Variants in RAB36 observed in about 807,000 individuals in gnomAD.
RAB36 encodes ras-related protein Rab-36.
In RAB36, 33 loss-of-function variants were observed where a neutral mutation model predicts 39.3. That is an observed-to-expected ratio of 0.84 (90% CI 0.64 to 1.12). RAB36 has a LOEUF of 1.12. Among genes scored for constraint, RAB36 ranks in the 50% most tolerant of loss-of-function variants. RAB36 has a pLI of 0.00. For missense variants in RAB36, 308 were observed against 355.3 expected (o/e 0.87, Z 1.07); for synonymous variants, 133 against 140.2 (o/e 0.95, Z 0.36).
At position 23,161,712 on chromosome 22, in the gene RAB36, G is replaced by A; in HGVS notation, c.*148G>A. 1 of 683,768 alleles carries A rather than the reference G, an allele frequency of 1.5e-6. No homozygotes were observed. The highest frequency in any genetic ancestry group is 2.8e-5 in the East Asian group (1 of 35,214). 42.4% of individuals were successfully genotyped at this position (683,768 alleles called of 1,614,324 possible). Reference sequence around the variant, plus strand: ...TCCAGTCCCTCCACCCACCCACCGGGCTCAGCTCCAGGGCACAGTCACTTG... The same window carrying A: ...TCCAGTCCCTCCACCCACCCACCGGACTCAGCTCCAGGGCACAGTCACTTG... On this transcript the variant is annotated 3_prime_UTR_variant, in exon 11 of 11. Coordinates refer to ENST00000263116, the MANE Select transcript of RAB36 (RefSeq NM_004914.5).
At chr22:23,166,177 AGG>A (rs796718692), downstream of RAB36, among the ~76,000 whole-genome samples, 7 of 124,964 alleles carry the variant, frequency 5.6e-5, no homozygotes, top group Non-Finnish European at 8.6e-5. Flanking sequence ...AAAAAAAAAA[AGG>A]AGTGTTTCCA....
chr22:23,166,884 C>T (rs1290428471), downstream of RAB36, among the ~76,000 whole-genome samples: 1 of 152,146 alleles, frequency 6.6e-6, no homozygotes, highest in African/African-American at 2.4e-5. Flanking sequence ...AGTGGGGTGC[C>T]TCCTGGGGGA....
At chr22:23,145,883 AG>A (rs2070742427) in intron 1 of RAB36, 1 of 729,724 alleles carries the variant, frequency 1.4e-6, no homozygotes, top group Non-Finnish European at 1.7e-6. Flanking sequence ...TGGTGAAGTG[AG>A]GGTTTTCAGG....
Position 23,162,260 on chromosome 22 carries a change from G to A in RAB36, c.*696G>A, listed in dbSNP as rs1045269658. On this transcript the variant is annotated 3_prime_UTR_variant, in exon 11 of 11. Coordinates refer to ENST00000263116, the MANE Select transcript of RAB36 (RefSeq NM_004914.5). ...GAGATCCCTAGGTCCTGCCCTCCTG[G>A]TCCGTGGGCCAGGATGTGCAGAACA... 1.3e-5 allele frequency: 3 copies of A among 225,874 alleles called. 1 individual carries two copies. Among genetic ancestry groups the A allele is most frequent in the Non-Finnish European group, 2.7e-5 (3 of 112,540 alleles). The allele number at this position is 225,874 out of a possible 1,614,324, so 14.0% of individuals were successfully genotyped here. A position where few individuals can be genotyped will look rare whatever the true frequency, so the allele number is the denominator to read the frequency against.
intron 10 of RAB36, 68 bp from the exon 11 acceptor site, chr22:23,161,432 G>A: frequency 7.3e-7 from 1 of 1,365,844 alleles, no homozygotes; most frequent in Non-Finnish European, 1.0e-6. Flanking sequence ...GTCAGGGCCG[G>A]CATCCCCTGC....
intron 3 of RAB36, among the ~76,000 whole-genome samples, chr22:23,152,012 G>A (rs932794532): frequency 2.6e-5 from 4 of 152,244 alleles, no homozygotes; most frequent in African/African-American, 9.6e-5. Flanking sequence ...AGCCCCGGGG[G>A]TGCATAGGAG....
Position 23,155,983 on chromosome 22 carries a change from G to T in RAB36, c.345G>T (p.Gly115=). The part of the protein sequence containing the change: ...PYSLQIWDTA[G]QEKFKCIASA... The stretch of plus-strand genomic sequence containing the variant: ...CACCTCACAGCTGGGACACAGCTGG[G>T]CAGGAGAAGTTCAAGTGCATCGCAT... The change falls in exon 6 of 11, where the codon GGG becomes GGT. Residue 115 remains glycine (G), a synonymous_variant. Transcript: ENST00000263116. 1 of 1,612,434 alleles carries T rather than the reference G, an allele frequency of 6.2e-7. No individual in the cohort carries two copies. The highest frequency in any genetic ancestry group is 1.1e-5 in the South Asian group (1 of 90,768).
At chr22:23,158,812 C>G in intron 7 of RAB36, 86 bp from the exon 8 acceptor site, 1 of 1,205,218 alleles carries the variant, frequency 8.3e-7, no homozygotes, top group Non-Finnish European at 1.2e-6. Context: ...GCACTTCAGC[C>G]CTGGGGAGGT....
At chr22:23,156,823 T>G (rs2146562363) in intron 6 of RAB36, among the ~76,000 whole-genome samples, 1 of 152,290 alleles carries the variant, frequency 6.6e-6, no homozygotes, top group East Asian at 1.9e-4. Context: ...GGCCTCTCCT[T>G]GAAAGGATGC....
intron 6 of RAB36, among the ~76,000 whole-genome samples, chr22:23,157,291 C>T (rs1236928677): frequency 6.6e-6 from 1 of 151,638 alleles, no homozygotes; most frequent in African/African-American, 2.4e-5. Flanking sequence ...CGCTTTGTAG[C>T]CCAAACTGGA....
At chr22:23,160,064 C>T (rs2071686111) in intron 9 of RAB36, among the ~76,000 whole-genome samples, 1 of 152,122 alleles carries the variant, frequency 6.6e-6, no homozygotes, top group Admixed American at 6.6e-5. Context: ...ATAATAGGCC[C>T]CCAAGGCTCT....
chr22:23,157,690 C>T (rs2071533646), intron 6 of RAB36, among the ~76,000 whole-genome samples: 2 of 152,214 alleles, frequency 1.3e-5, no homozygotes, highest in South Asian at 4.1e-4. Context: ...ACCTGAGCTC[C>T]CTTAGCCGTA....
chr22:23,155,885 C>A, intron 5 of RAB36, 83 bp from the exon 6 acceptor site: 1 of 1,311,326 alleles, frequency 7.6e-7, no homozygotes, highest in Non-Finnish European at 1.0e-6. Context: ...GTCTCCCACC[C>A]ATGGTCCCGT....
chr22:23,150,687 T>C (rs1331404587), intron 3 of RAB36, among the ~76,000 whole-genome samples: 2 of 152,202 alleles, frequency 1.3e-5, no homozygotes, highest in African/African-American at 4.8e-5. Context: ...AGGTGATTTT[T>C]CAGCCTCAGG....
downstream of RAB36, among the ~76,000 whole-genome samples, chr22:23,168,300 T>C (rs1020817107): frequency 1.3e-5 from 2 of 151,980 alleles, no homozygotes; most frequent in Non-Finnish European, 2.9e-5. Context: ...CCGGGGATGC[T>C]GACAGGTAGC....
At chr22:23,165,875 A>G (rs772729670), downstream of RAB36, among the ~76,000 whole-genome samples, 10 of 152,140 alleles carry the variant, frequency 6.6e-5, no homozygotes, top group Non-Finnish European at 1.2e-4. Context: ...GGCTGGGCAC[A>G]GTGGCTCATG....
At chr22:23,156,519 G>A (rs950963361) in intron 6 of RAB36, among the ~76,000 whole-genome samples, 1 of 152,166 alleles carries the variant, frequency 6.6e-6, no homozygotes, top group Non-Finnish European at 1.5e-5. Flanking sequence ...GCTGGGCAGG[G>A]CTCACCGTCA....
chr22:23,157,933 A>G, intron 6 of RAB36, 59 bp from the exon 7 acceptor site: 1 of 1,609,410 alleles, frequency 6.2e-7, no homozygotes, highest in Non-Finnish European at 8.5e-7. Flanking sequence ...CCTCCTGGGG[A>G]GCCCCCTTGC....
intron 9 of RAB36, 54 bp from the exon 10 acceptor site, chr22:23,160,825 T>C: frequency 1.9e-6 from 3 of 1,582,564 alleles, no homozygotes; most frequent in Non-Finnish European, 2.6e-6. Context: ...CCCAGATGCA[T>C]TAAGGGGCAA....
Sources: allele counts gnomAD v4.1 joint callset (sites outside exome capture counted in the v4.1 genomes callset), GRCh38; gene constraint gnomAD v4.1.1; transcripts MANE v1.5; gene names NCBI Gene and HGNC (gene_info 2026-07-23, HGNC 2026-07-21).